PHLPP1: variants seen among roughly 807,000 people sequenced by gnomAD.
PHLPP1 encodes the protein PH domain leucine-rich repeat-containing protein phosphatase 1.
A neutral mutation model predicts 117.2 loss-of-function variants in PHLPP1; 42 were observed. The ratio of observed to expected loss-of-function variants is 0.36; its 90% CI spans 0.28 to 0.46. The LOEUF is 0.46. PHLPP1 is among the 20% of genes least tolerant of loss of function. The pLI is 1.00. For missense variants in PHLPP1, 2,084 were observed against 2,241.9 expected, an observed-to-expected ratio of 0.93 and a Z score of 1.42; for synonymous variants, 1,042 against 970.7, an observed-to-expected ratio of 1.07 and a Z score of -1.37.
intron 4 of PHLPP1, among the ~76,000 whole-genome samples, chr18:62,876,281 A>G (rs1375035902): frequency 1.3e-5 from 2 of 152,062 alleles, no homozygotes; most frequent in Admixed American, 6.6e-5. Flanking sequence ...TTCTCTTGCC[A>G]CTCATCTTGC....
At chr18:62,876,087 T>G (rs1916043425) in intron 4 of PHLPP1, among the ~76,000 whole-genome samples, 2 of 152,176 alleles carry the variant, frequency 1.3e-5, no homozygotes, top group South Asian at 4.1e-4. Flanking sequence ...TATTTCTCTT[T>G]GGTTGAAAGT....
chr18:62,726,086 C>T (rs191389226), intron 1 of PHLPP1, among the ~76,000 whole-genome samples: 1 of 151,940 alleles, frequency 6.6e-6, no homozygotes, highest in East Asian at 1.9e-4. Context: ...CTTCCTTATG[C>T]ACACACACAC....
chr18:62,858,941 T>C (rs1279312449), intron 3 of PHLPP1, among the ~76,000 whole-genome samples: 4 of 152,148 alleles, frequency 2.6e-5, no homozygotes, highest in Non-Finnish European at 4.4e-5. Flanking sequence ...GTTATACAGA[T>C]GAGAAAACTG....
intron 4 of PHLPP1, among the ~76,000 whole-genome samples, chr18:62,880,056 A>G (rs1163534787): frequency 6.6e-6 from 1 of 152,126 alleles, no homozygotes; most frequent in East Asian, 1.9e-4. Flanking sequence ...AATTGTTTCA[A>G]GTTCCTGGAG....
In PHLPP1 at chr18:62,943,008, T is replaced by C. The variant is rs1910173037; in HGVS notation, c.3161+1090T>C. ...ACTATGGAATGGGGAAATGATATTT[T>C]TGGAAAAAACCATGATAATCACATA... On this transcript the variant is annotated intron_variant, in intron 11 of 16. Transcript: ENST00000262719. 2.6e-5 allele frequency among the ~76,000 whole-genome samples: 4 copies of C among 152,306 alleles called. No homozygotes were observed. The South Asian group carries it at 8.3e-4, about 32-fold the overall frequency.
At chr18:62,898,929 A>G (rs1356844740) in intron 6 of PHLPP1, among the ~76,000 whole-genome samples, 1 of 151,668 alleles carries the variant, frequency 6.6e-6, no homozygotes, top group Non-Finnish European at 1.5e-5. Context: ...CTCCCAAGTA[A>G]CTGGGATTAC....
chr18:62,944,472 G>C (rs1482384583), intron 11 of PHLPP1, among the ~76,000 whole-genome samples: 1 of 152,188 alleles, frequency 6.6e-6, no homozygotes, highest in Non-Finnish European at 1.5e-5. Flanking sequence ...ATTCCTTCTT[G>C]GTAGATGTTT....
intron 12 of PHLPP1, among the ~76,000 whole-genome samples, chr18:62,949,585 T>C (rs1312445962): frequency 6.6e-6 from 1 of 152,246 alleles, no homozygotes; most frequent in African/African-American, 2.4e-5. Context: ...CCAGTGAGCC[T>C]GAGTGGATCA....
chr18:62,835,777 T>G (rs924622956), intron 2 of PHLPP1, among the ~76,000 whole-genome samples: 2 of 75,274 alleles, frequency 2.7e-5, no homozygotes, highest in East Asian at 4.7e-4. Context: ...CAACTGGTTC[T>G]TTTTTTTTTT....
At chr18:62,924,699 A>T (rs1374014389) in intron 10 of PHLPP1, among the ~76,000 whole-genome samples, 2 of 125,148 alleles carry the variant, frequency 1.6e-5, no homozygotes, top group African/African-American at 2.9e-5. Context: ...AAAAAAAAAA[A>T]GTCAGGTGTG....
intron 10 of PHLPP1, among the ~76,000 whole-genome samples, chr18:62,924,801 T>C (rs1208398088): frequency 6.7e-6 from 1 of 148,936 alleles, no homozygotes; most frequent in African/African-American, 2.5e-5. Context: ...TCACGCCACC[T>C]ACACTCCAGC....
At chr18:62,878,778 T>TTGTG (rs138248935) in intron 4 of PHLPP1, among the ~76,000 whole-genome samples, 32 of 150,250 alleles carry the variant, frequency 2.1e-4, no homozygotes, top group East Asian at 3.9e-4. Flanking sequence ...ACTCCTCATA[T>TTGTG]TGTGTGTGTG....
At chr18:62,881,549 T>A (rs1599100027) in intron 4 of PHLPP1, among the ~76,000 whole-genome samples, 1 of 152,198 alleles carries the variant, frequency 6.6e-6, no homozygotes, top group African/African-American at 2.4e-5. Context: ...AAAGGTGATA[T>A]GTTTATTTTA....
At chr18:62,900,726 CAG>C (rs1457259541) in intron 6 of PHLPP1, among the ~76,000 whole-genome samples, 1 of 151,992 alleles carries the variant, frequency 6.6e-6, no homozygotes, top group East Asian at 1.9e-4. Flanking sequence ...GGTAGGATTA[CAG>C]AGTTTGAGCT....
intron 12 of PHLPP1, 127 bp downstream of exon 12, chr18:62,945,398 T>C (rs954438348): frequency 1.4e-6 from 1 of 695,086 alleles, no homozygotes; most frequent in African/African-American, 1.9e-5. Flanking sequence ...CATTAGCCCT[T>C]ACTTCCTCCT....
chr18:62,860,487 A>C lies in PHLPP1; in HGVS notation c.1952A>C (p.His651Pro). The C allele has an allele frequency of 6.2e-7, 1 of 1,613,984 alleles. No homozygotes were observed. The highest frequency in any genetic ancestry group is 8.5e-7 in the Non-Finnish European group (1 of 1,179,864). ...GACCTCTCGTGTTGTAGCCTGGAAC[A>C]TCTGCCTGCCAACCTCTTCTACAGC... is the stretch of plus-strand genomic sequence containing the variant. The part of the protein sequence containing the change: ...SVDLSCCSLE[H>P]LPANLFYSQD... The change falls in exon 4 of 17, where the codon CAT (histidine) becomes CCT (proline). Residue 651 changes from histidine to proline, a missense_variant. Around this residue, in one of 2 missense-constraint regions of PHLPP1, gnomAD observed 1,365 missense variants for 1,605.9 expected, o/e 0.85. Coordinates refer to ENST00000262719, the MANE Select transcript of PHLPP1 (RefSeq NM_194449.4).
intron 10 of PHLPP1, 83 bp downstream of exon 10, chr18:62,920,197 A>G (rs1909421105): frequency 5.5e-6 from 7 of 1,279,118 alleles, no homozygotes; most frequent in Admixed American, 2.1e-5. Flanking sequence ...CTGAGACTGT[A>G]TAAACTTTCT....
chr18:62,835,061 G>GT (rs1568132257), intron 2 of PHLPP1, among the ~76,000 whole-genome samples: 1 of 151,924 alleles, frequency 6.6e-6, no homozygotes, highest in Admixed American at 6.6e-5. Flanking sequence ...ATGCCTGTAG[G>GT]TTTTTTTGTT....
intron 10 of PHLPP1, among the ~76,000 whole-genome samples, chr18:62,941,140 C>T (rs770630783): frequency 6.6e-5 from 10 of 152,204 alleles, no homozygotes; most frequent in Non-Finnish European, 1.3e-4. Context: ...TTATCTCCTG[C>T]ACTTGTGAAA....
Sources: gnomAD v4.1 joint callset for allele counts (sites outside exome capture counted in the v4.1 genomes callset) on GRCh38, gnomAD v4.1.1 for gene constraint, gnomAD v4.1.1 regional missense constraint, MANE v1.5 for transcripts, NCBI Gene and HGNC (gene_info 2026-07-23, HGNC 2026-07-21) for gene names.